KL: variants seen among roughly 807,000 people sequenced by gnomAD.
KL encodes the protein klotho.
KL carries 62 observed loss-of-function variants against 84.2 expected under a neutral mutation model. The ratio of observed to expected loss-of-function variants is 0.74; its 90% CI spans 0.60 to 0.91. The LOEUF (loss-of-function observed/expected upper bound fraction) is 0.91. KL is among the 40% of genes least tolerant of loss of function. The probability of loss-of-function intolerance (pLI) is 0.00; values close to 1 mark genes in which losing one functional copy is unlikely to be tolerated. For synonymous variants in KL, 528 were observed against 528.0 expected (o/e 1.00, Z 0.00); for missense variants, 1,261 against 1,305.7 (o/e 0.97, Z 0.53).
chr13:33,017,292 A>G (rs1270974925), intron 1 of KL, 33 bp downstream of exon 1: 4 of 1,523,512 alleles, frequency 2.6e-6, no homozygotes, highest in Admixed American at 2.0e-5. Flanking sequence ...AGGGCCACGC[A>G]GGGGAGACAG....
Position 33,060,623 on chromosome 13 carries a change from G to A in KL, c.1600-56G>A, listed in dbSNP as rs1450356740. 6 of 1,601,956 alleles carry A rather than the reference G, an allele frequency of 3.7e-6. No homozygotes were observed. The African/African-American group carries it at 6.7e-5, about 18-fold the overall frequency. ...CTAGTTTTGCTGAAATAATTGCTTTGAATTACTTCCTCAGGACTGCCCAGG... is the reference window on the plus strand; with the variant it reads ...CTAGTTTTGCTGAAATAATTGCTTTAAATTACTTCCTCAGGACTGCCCAGG... On this transcript the variant is annotated intron_variant, in intron 3 of 4. Coordinates refer to ENST00000380099, the MANE Select transcript of KL (RefSeq NM_004795.4).
chr13:33,043,499 C>A (rs1460244023), intron 1 of KL, among the ~76,000 whole-genome samples: 1 of 152,152 alleles, frequency 6.6e-6, no homozygotes, highest in Non-Finnish European at 1.5e-5. Flanking sequence ...GGATTATAGG[C>A]GTGAGTCACT....
At chr13:33,060,597 G>T in intron 3 of KL, 82 bp from the exon 4 acceptor site, 1 of 1,503,274 alleles carries the variant, frequency 6.7e-7, no homozygotes, top group Admixed American at 1.7e-5. Flanking sequence ...CATATTCCTG[G>T]CTAGTTTTGC....
chr13:33,031,892 T>C (rs915195174), intron 1 of KL, among the ~76,000 whole-genome samples: 3 of 152,186 alleles, frequency 2.0e-5, no homozygotes, highest in Non-Finnish European at 4.4e-5. Flanking sequence ...CCCATACCAC[T>C]GGATAATGCT....
chr13:33,027,469 T>C (rs1870819417), intron 1 of KL, among the ~76,000 whole-genome samples: 5 of 152,212 alleles, frequency 3.3e-5, no homozygotes, highest in Admixed American at 2.6e-4. Flanking sequence ...TGCAAGTCTA[T>C]CAGGTCCTAG....
intron 3 of KL, 132 bp downstream of exon 3, chr13:33,055,447 C>CT (rs1871924291): frequency 1.8e-6 from 2 of 1,086,106 alleles, no homozygotes; most frequent in Admixed American, 3.9e-5. Flanking sequence ...TATGAGTACA[C>CT]TAAGGGCACA....
chr13:33,061,359 G>A lies in KL; in HGVS notation c.2280G>A (p.Leu760=). 1 of 1,614,184 alleles carries A rather than the reference G, an allele frequency of 6.2e-7. No homozygotes were observed. The highest frequency in any genetic ancestry group is 1.1e-5 in the South Asian group (1 of 91,088). ...ERVLEFDIGW[L]AEPIFGSGDY... ...TTTTGGAATTTGACATTGGCTGGCT[G>A]GCTGAGCCCATTTTCGGCTCTGGAG... Residue 760 remains leucine (L), a synonymous_variant, in exon 4 of 5, where the codon CTG becomes CTA. Coordinates refer to ENST00000380099, the MANE Select transcript of KL (RefSeq NM_004795.4).
upstream of KL, chr13:33,016,364 G>C: frequency 6.2e-6 from 1 of 161,718 alleles, no homozygotes; most frequent in Non-Finnish European, 1.3e-5. Context: ...GCGCGCCGGC[G>C]GTGGGCGGGC....
At chr13:33,061,914 C>T (rs1000071745) in intron 4 of KL, 134 bp downstream of exon 4, 3 of 905,160 alleles carry the variant, frequency 3.3e-6, no homozygotes, top group Non-Finnish European at 3.6e-6. Context: ...CTCACTGAAA[C>T]AGTCCAAGAG....
At chr13:33,026,029 T>C (rs955041806) in intron 1 of KL, among the ~76,000 whole-genome samples, 4 of 152,354 alleles carry the variant, frequency 2.6e-5, no homozygotes, top group African/African-American at 9.6e-5. Context: ...GCTTATACAG[T>C]GGAATACTAA....
Position 33,032,370 on chromosome 13 carries a change from T to C in KL, c.819+15111T>C, listed in dbSNP as rs186618142. Among the ~76,000 whole-genome samples, 329 of 152,308 alleles carry C rather than the reference T, an allele frequency of 2.2e-3. 1 individual carries two copies. The highest frequency in any genetic ancestry group is 7.2e-3 in the African/African-American group (300 of 41,576). Reference sequence around the variant, plus strand: ...GGGGAGGGCTCACCCACGCAGTTTTTCTCTGGTCCGCAGTCATCTGAAGCT... The same window carrying C: ...GGGGAGGGCTCACCCACGCAGTTTTCCTCTGGTCCGCAGTCATCTGAAGCT... On this transcript the variant is annotated intron_variant, in intron 1 of 4. Transcript: ENST00000380099.
chr13:33,063,187 G>C (rs1010208004), intron 4 of KL, among the ~76,000 whole-genome samples: 1 of 151,518 alleles, frequency 6.6e-6, no homozygotes, highest in African/African-American at 2.4e-5. Flanking sequence ...AATGTCATCA[G>C]TAAAGTAGCC....
intron 1 of KL, among the ~76,000 whole-genome samples, chr13:33,033,630 A>G (rs1276392814): frequency 1.3e-5 from 2 of 152,002 alleles, no homozygotes; most frequent in Non-Finnish European, 2.9e-5. Context: ...TATGGTCACA[A>G]GCTCCTTCTC....
At chr13:33,060,089 G>A (rs1186417473) in intron 3 of KL, among the ~76,000 whole-genome samples, 2 of 151,900 alleles carry the variant, frequency 1.3e-5, no homozygotes, top group East Asian at 1.9e-4. Context: ...TCAGCCTCCC[G>A]AGCAACTAGG....
intron 1 of KL, among the ~76,000 whole-genome samples, chr13:33,021,533 C>G (rs1455777489): frequency 6.6e-6 from 1 of 152,140 alleles, no homozygotes; most frequent in East Asian, 1.9e-4. Flanking sequence ...TATATATGCT[C>G]AAATTACATA....
intron 1 of KL, among the ~76,000 whole-genome samples, chr13:33,028,631 C>T (rs1870864009): frequency 6.6e-6 from 1 of 152,092 alleles, no homozygotes; most frequent in Admixed American, 6.5e-5. Context: ...CATGTGACTT[C>T]CCTGGGGAAG....
intron 1 of KL, among the ~76,000 whole-genome samples, chr13:33,043,945 C>T (rs900408170): frequency 3.3e-5 from 5 of 151,692 alleles, no homozygotes; most frequent in African/African-American, 1.2e-4. Flanking sequence ...GATAAAGAGA[C>T]TATTCTCTTA....
At position 33,063,874 on chromosome 13, in the gene KL, T is replaced by C. The variant is rs1872303941; in HGVS notation, c.2727T>C (p.Leu909=). 17 of 1,614,128 alleles carry C rather than the reference T, an allele frequency of 1.1e-5. No homozygotes were observed. Among genetic ancestry groups the C allele is most frequent in the Non-Finnish European group, 1.3e-5 (15 of 1,180,050 alleles). ...LKAHILDGIN[L]CGYFAYSFND... ...CCCACATACTGGATGGTATCAATCT[T>C]TGCGGATACTTTGCTTATTCGTTTA... is the stretch of plus-strand genomic sequence containing the variant. The change falls in exon 5 of 5, where the codon CTT becomes CTC. Residue 909 remains leucine (L), a synonymous_variant. Coordinates refer to ENST00000380099, the MANE Select transcript of KL (RefSeq NM_004795.4).
rs114836387 is a variant in KL, at chr13:33,039,875, C to T, written c.820-13892C>T. ...AAGTGATGCTGTTTACATTTATATG[C>T]GATTCTACTGGTCTTCCTGTTACTT... is the stretch of plus-strand genomic sequence containing the variant. On this transcript the variant is annotated intron_variant, in intron 1 of 4. Transcript: ENST00000380099. Among the ~76,000 whole-genome samples, 961 of 152,198 alleles carry T rather than the reference C, an allele frequency of 6.3e-3. 9 individuals are homozygous for T. The highest frequency in any genetic ancestry group is 0.022 in the African/African-American group (929 of 41,524).
Sources: allele counts gnomAD v4.1 joint callset (sites outside exome capture counted in the v4.1 genomes callset), GRCh38; gene constraint gnomAD v4.1.1; transcripts MANE v1.5; gene names NCBI Gene and HGNC (gene_info 2026-07-23, HGNC 2026-07-21).